Variants in SLC22A24 observed in about 807,000 individuals in gnomAD.
The protein encoded by SLC22A24 is steroid transmembrane transporter SLC22A24.
A neutral mutation model predicts 49.8 loss-of-function variants in SLC22A24; 53 were observed. The observed-to-expected ratio is 1.06, with a 90% confidence interval of 0.85 to 1.34. The LOEUF is 1.34. Ranked by LOEUF, SLC22A24 falls within the 40% of genes most tolerant of loss-of-function variation. The pLI is 0.00. For missense variants in SLC22A24, 786 were observed against 675.9 expected, an observed-to-expected ratio of 1.16 and a Z score of -1.81; for synonymous variants, 302 against 256.4, an observed-to-expected ratio of 1.18 and a Z score of -1.70.
Position 63,096,095 on chromosome 11 carries a change from G to A in SLC22A24, c.966C>T (p.Ser322=), listed in dbSNP as rs2087052984. 2 of 1,549,414 alleles carry A rather than the reference G, an allele frequency of 1.3e-6. No individual in the cohort carries two copies. The highest frequency in any genetic ancestry group is 2.7e-5 in the African/African-American group (2 of 73,064). ...CTGCATCCAACTCCTTCTTCATGGTGGATCTCACAAGCTTCAGCAACAAAA... is the reference window on the plus strand; with the variant it reads ...CTGCATCCAACTCCTTCTTCATGGTAGATCTCACAAGCTTCAGCAACAAAA... ...EETLTTELVR[S]TMKKELDAVR... The change falls in exon 6 of 10, where the codon TCC becomes TCT. Residue 322 remains serine, a synonymous_variant. Coordinates refer to ENST00000612278, the MANE Select transcript of SLC22A24 (RefSeq NM_001136506.2).
intron 5 of SLC22A24, among the ~76,000 whole-genome samples, chr11:63,101,670 C>T (rs1006381774): frequency 6.6e-6 from 1 of 151,846 alleles, no homozygotes; most frequent in Non-Finnish European, 1.5e-5. Context: ...TCACAATAGC[C>T]AAGATATGGG....
intron 4 of SLC22A24, among the ~76,000 whole-genome samples, chr11:63,117,454 CT>C (rs2087219662): frequency 6.6e-6 from 1 of 152,128 alleles, no homozygotes; most frequent in Non-Finnish European, 1.5e-5. Flanking sequence ...CTGCCTTAGC[CT>C]CCACCAACTG....
intron 2 of SLC22A24, among the ~76,000 whole-genome samples, chr11:63,124,786 AGTTC>A (rs1187877292): frequency 6.6e-6 from 1 of 152,206 alleles, no homozygotes; most frequent in Non-Finnish European, 1.5e-5. Flanking sequence ...AAAAATGATG[AGTTC>A]ATGTCCTTTG....
chr11:63,100,474 G>T (rs2087083793), intron 5 of SLC22A24, among the ~76,000 whole-genome samples: 1 of 152,102 alleles, frequency 6.6e-6, no homozygotes, highest in African/African-American at 2.4e-5. Context: ...AATCAGTATT[G>T]TTAAAATGTC....
At chr11:63,134,970 A>G (rs1296592635) in intron 1 of SLC22A24, among the ~76,000 whole-genome samples, 3 of 152,130 alleles carry the variant, frequency 2.0e-5, no homozygotes, top group Non-Finnish European at 4.4e-5. Context: ...TTTCAAATGC[A>G]TCTGTCTCTC....
chr11:63,080,281 T>G (rs1565320763), intron 9 of SLC22A24, among the ~76,000 whole-genome samples: 1 of 152,246 alleles, frequency 6.6e-6, no homozygotes, highest in Non-Finnish European at 1.5e-5. Flanking sequence ...TTGAAAATTT[T>G]AAAGCTATTG....
At chr11:63,088,422 T>A (rs533979698) in intron 6 of SLC22A24, among the ~76,000 whole-genome samples, 1 of 121,624 alleles carries the variant, frequency 8.2e-6, no homozygotes, top group South Asian at 2.8e-4. Flanking sequence ...AAACCCCACC[T>A]AAAGGTCATC....
chr11:63,117,275 T>A (rs1228610295), intron 4 of SLC22A24, among the ~76,000 whole-genome samples: 2 of 152,214 alleles, frequency 1.3e-5, no homozygotes, highest in African/African-American at 4.8e-5. Flanking sequence ...GGTTAGTGGC[T>A]TTTTGTTAAC....
chr11:63,092,997 G>GAAA (rs1363542613), intron 6 of SLC22A24, among the ~76,000 whole-genome samples: 3 of 150,954 alleles, frequency 2.0e-5, no homozygotes, highest in Admixed American at 6.6e-5. Flanking sequence ...AAATTTACAA[G>GAAA]AAAACAAACA....
intron 4 of SLC22A24, among the ~76,000 whole-genome samples, chr11:63,105,884 A>C (rs542898531): frequency 9.2e-5 from 14 of 152,218 alleles, no homozygotes; most frequent in African/African-American, 3.4e-4. Flanking sequence ...CAAATTTTTC[A>C]AACATTTATG....
chr11:63,125,298 T>C (rs990149961), intron 2 of SLC22A24, among the ~76,000 whole-genome samples: 8 of 151,970 alleles, frequency 5.3e-5, no homozygotes, highest in Non-Finnish European at 1.2e-4. Context: ...CTAATGCTAC[T>C]CCTCCCCTAG....
intron 1 of SLC22A24, among the ~76,000 whole-genome samples, chr11:63,138,663 A>G (rs1565046319): frequency 6.6e-6 from 1 of 151,150 alleles, no homozygotes; most frequent in Non-Finnish European, 1.5e-5. Context: ...AAAAAAAAAA[A>G]AAAAAAGAAA....
At chr11:63,090,176 A>G (rs983581054) in intron 6 of SLC22A24, among the ~76,000 whole-genome samples, 2 of 151,698 alleles carry the variant, frequency 1.3e-5, no homozygotes, top group African/African-American at 2.4e-5. Flanking sequence ...CTAAATATAT[A>G]TGCACCCAAT....
Position 63,083,416 on chromosome 11 carries a change from A to C in SLC22A24, c.1112T>G (p.Leu371Trp). The change falls in exon 7 of 10, where the codon TTG (leucine) becomes TGG (tryptophan). Residue 371 changes from leucine (L) to tryptophan (W), a missense_variant. Physicochemically the swap from Leu to Trp is moderately conservative, Grantham distance 61. Transcript: ENST00000612278. ...GGAGACATTGCTCCCTAAGTGCTGC[A>C]AGTTGAGTATCAGGCCATAAAAGGG... ...TVPFYGLILNLQHLGSNVSLF... is the reference protein window; with the variant it reads ...TVPFYGLILNWQHLGSNVSLF... The C allele has an allele frequency of 6.4e-7, 1 of 1,551,518 alleles. No homozygotes were observed. The highest frequency in any genetic ancestry group is 8.7e-7 in the Non-Finnish European group (1 of 1,146,854).
At chr11:63,081,847 G>C (rs914629457) in intron 7 of SLC22A24, among the ~76,000 whole-genome samples, 181 bp from the exon 8 acceptor site, 4 of 152,110 alleles carry the variant, frequency 2.6e-5, no homozygotes, top group Admixed American at 6.6e-5. Context: ...AAAATGGTAG[G>C]GCTTAAACAT....
intron 4 of SLC22A24, among the ~76,000 whole-genome samples, chr11:63,117,595 G>C (rs949454486): frequency 6.6e-6 from 1 of 150,734 alleles, no homozygotes; most frequent in Non-Finnish European, 1.5e-5. Flanking sequence ...CCTCTCCTCA[G>C]CCTACTTAAC....
intron 4 of SLC22A24, 77 bp downstream of exon 4, chr11:63,118,835 T>A (rs1226990674): frequency 6.8e-7 from 1 of 1,460,000 alleles, no homozygotes; most frequent in Non-Finnish European, 9.4e-7. Flanking sequence ...ACCGAACAGA[T>A]CCCAGGTGTC....
At chr11:63,126,996 T>A (rs373004529) in intron 2 of SLC22A24, among the ~76,000 whole-genome samples, 1 of 152,150 alleles carries the variant, frequency 6.6e-6, no homozygotes, top group Non-Finnish European at 1.5e-5. Context: ...TTAAAAATTA[T>A]ACTTTAAGTT....
chr11:63,133,740 C>T (rs897602163), intron 2 of SLC22A24, among the ~76,000 whole-genome samples: 1 of 151,998 alleles, frequency 6.6e-6, no homozygotes, highest in Non-Finnish European at 1.5e-5. Context: ...CTTCTGGGTT[C>T]AGGTGATTCT....
Sources: gnomAD v4.1 joint callset for allele counts (sites outside exome capture counted in the v4.1 genomes callset) on GRCh38, gnomAD v4.1.1 for gene constraint, MANE v1.5 for transcripts, NCBI Gene and HGNC (gene_info 2026-07-23, HGNC 2026-07-21) for gene names.